NTN1: variants seen among roughly 807,000 people sequenced by gnomAD.
NTN1 encodes netrin 1, also known as netrin-1.
NTN1 carries 11 observed loss-of-function variants against 54.2 expected under a neutral mutation model. That is an observed-to-expected ratio of 0.20 (90% CI 0.13 to 0.34). NTN1 has a LOEUF of 0.34. Ranked by LOEUF, NTN1 falls within the 10% of genes least tolerant of loss-of-function variation. The probability of loss-of-function intolerance (pLI) is 1.00; values close to 1 mark genes in which losing one functional copy is unlikely to be tolerated. For synonymous variants in NTN1, 371 were observed against 382.0 expected (o/e 0.97, Z 0.33); for missense variants, 740 against 893.1 (o/e 0.83, Z 2.18).
At chr17:9,048,117 G>T (rs1208948938) in intron 2 of NTN1, among the ~76,000 whole-genome samples, 1 of 152,164 alleles carries the variant, frequency 6.6e-6, no homozygotes, top group East Asian at 1.9e-4. Flanking sequence ...TACAAAATGT[G>T]TTTCTTAAAT....
At chr17:9,189,784 C>A (rs575534240) in intron 5 of NTN1, among the ~76,000 whole-genome samples, 11 of 152,166 alleles carry the variant, frequency 7.2e-5, no homozygotes, top group Non-Finnish European at 1.3e-4. Context: ...GAGGGGCAGC[C>A]AGTCAAAAGC....
chr17:9,029,489 G>A (rs371723632), intron 2 of NTN1, among the ~76,000 whole-genome samples: 1 of 152,136 alleles, frequency 6.6e-6, no homozygotes, highest in Non-Finnish European at 1.5e-5. Flanking sequence ...TAGCCAACTC[G>A]GAGGGACGGT....
intron 5 of NTN1, among the ~76,000 whole-genome samples, chr17:9,216,248 C>A (rs1905214981): frequency 6.6e-6 from 1 of 152,248 alleles, no homozygotes; most frequent in South Asian, 2.1e-4. Context: ...TGAGAGCACA[C>A]CCAGCCCTTC....
chr17:9,066,796 TC>T (rs1380922041), intron 2 of NTN1, among the ~76,000 whole-genome samples: 2 of 149,726 alleles, frequency 1.3e-5, no homozygotes, highest in Non-Finnish European at 3.0e-5. Context: ...GGTCAGGAGT[TC>T]CAGACCAGCC....
chr17:9,054,703 G>T (rs961238021), intron 2 of NTN1, among the ~76,000 whole-genome samples: 1 of 152,010 alleles, frequency 6.6e-6, no homozygotes, highest in Non-Finnish European at 1.5e-5. Flanking sequence ...GGGAGATTAC[G>T]CCAAGTGGCA....
intron 2 of NTN1, among the ~76,000 whole-genome samples, chr17:9,138,717 G>A (rs2092288781): frequency 6.6e-6 from 1 of 152,212 alleles, no homozygotes; most frequent in Non-Finnish European, 1.5e-5. Flanking sequence ...AGGCCAGGCA[G>A]CTGTGTTAGG....
intron 2 of NTN1, among the ~76,000 whole-genome samples, chr17:9,058,509 T>C (rs1337664837): frequency 1.3e-5 from 2 of 151,974 alleles, no homozygotes; most frequent in Non-Finnish European, 2.9e-5. Context: ...AGACTTAGCA[T>C]TGTGTGTTAA....
chr17:9,221,296 G>C lies in NTN1; in HGVS notation c.1486+54G>C. The C allele has an allele frequency of 7.0e-7, 1 of 1,423,238 alleles. No individual in the cohort carries two copies. The highest frequency in any genetic ancestry group is 9.9e-7 in the Non-Finnish European group (1 of 1,006,746). The allele number at this position is 1,423,238 out of a possible 1,614,324, so 88.2% of individuals were successfully genotyped here. A position where few individuals can be genotyped will look rare whatever the true frequency, so the allele number is the denominator to read the frequency against. On this transcript the variant is annotated intron_variant, in intron 6 of 6. Transcript: ENST00000173229. This position sits in a 1 kb window ranked among gnomAD's most constrained non-coding sequence, Gnocchi z 4.5. ...GATGGGAGGGGGCCACGTGACCAGC[G>C]AGGTGCTGGGGCTGGGGTGCAGCTG...
At chr17:9,010,746 G>C in the NTN1 span, among the ~76,000 whole-genome samples, 1 of 152,128 alleles carries the variant, frequency 6.6e-6, no homozygotes, top group East Asian at 1.9e-4. Context: ...TGCAATTAAG[G>C]GCTGTAGGGC....
At chr17:9,029,536 G>A (rs1439957206) in intron 2 of NTN1, among the ~76,000 whole-genome samples, 1 of 152,134 alleles carries the variant, frequency 6.6e-6, no homozygotes, top group African/African-American at 2.4e-5. Context: ...GAGCTGCCTG[G>A]GCCAGTCCTG....
chr17:9,065,358 A>G (rs1365074787), intron 2 of NTN1, among the ~76,000 whole-genome samples: 2 of 152,022 alleles, frequency 1.3e-5, no homozygotes, highest in Non-Finnish European at 2.9e-5. Context: ...TTTCCTGCCC[A>G]CACTGTGGCC....
At chr17:9,226,162 C>CAGGGGGGGGGGG (rs772507723) in intron 6 of NTN1, among the ~76,000 whole-genome samples, 1 of 116,454 alleles carries the variant, frequency 8.6e-6, no homozygotes, top group Non-Finnish European at 1.8e-5. Flanking sequence ...GATTTGGGGT[C>CAGGGGGGGGGGG]GGGGGGGGGC....
At chr17:9,233,134 G>C (rs1321140803) in intron 6 of NTN1, among the ~76,000 whole-genome samples, 7 of 151,980 alleles carry the variant, frequency 4.6e-5, no homozygotes, top group Non-Finnish European at 8.8e-5. Flanking sequence ...GGGAGCCACT[G>C]GGGGCCCACC....
At chr17:9,070,525 C>A (rs1425552087) in intron 2 of NTN1, among the ~76,000 whole-genome samples, 2 of 151,694 alleles carry the variant, frequency 1.3e-5, no homozygotes, top group Non-Finnish European at 2.9e-5. Flanking sequence ...GAATTAGGAC[C>A]TTAGTCTCCT....
Position 9,211,888 on chromosome 17 carries a change from A to G in NTN1, c.1412-9280A>G, listed in dbSNP as rs1457653828. 6.6e-6 allele frequency among the ~76,000 whole-genome samples: 1 copy of G among 152,082 alleles called. No homozygotes were observed. Among genetic ancestry groups the G allele is most frequent in the Non-Finnish European group, 1.5e-5 (1 of 68,024 alleles). ...GTTGCTGTCTTTTTCTTAGTGATTCAGAAGAGTTCTTTATATGTGAAAGAC... is the reference window on the plus strand; with the variant it reads ...GTTGCTGTCTTTTTCTTAGTGATTCGGAAGAGTTCTTTATATGTGAAAGAC... On this transcript the variant is annotated intron_variant, in intron 5 of 6. Coordinates refer to ENST00000173229, the MANE Select transcript of NTN1 (RefSeq NM_004822.3). This position sits in a 1 kb window ranked among gnomAD's most constrained non-coding sequence, Gnocchi z 4.4.
chr17:9,125,926 C>T (rs2092245762), intron 2 of NTN1, among the ~76,000 whole-genome samples: 2 of 152,208 alleles, frequency 1.3e-5, no homozygotes, highest in Non-Finnish European at 2.9e-5. Flanking sequence ...GCAGTCTTTA[C>T]ATTAAATGTT....
At chr17:9,150,160 G>A (rs1004345068) in intron 2 of NTN1, among the ~76,000 whole-genome samples, 3 of 152,010 alleles carry the variant, frequency 2.0e-5, no homozygotes, top group Non-Finnish European at 2.9e-5. Flanking sequence ...CCAAGATCAC[G>A]CCACTGCCCT....
At chr17:9,037,447 A>ACTG (rs1335462859) in intron 2 of NTN1, among the ~76,000 whole-genome samples, 1 of 152,144 alleles carries the variant, frequency 6.6e-6, no homozygotes, top group East Asian at 1.9e-4. Flanking sequence ...TGGAAATCCC[A>ACTG]CTGCTGTTAG....
chr17:9,205,037 C>T (rs907443749), intron 5 of NTN1, among the ~76,000 whole-genome samples: 1 of 151,752 alleles, frequency 6.6e-6, no homozygotes, highest in Non-Finnish European at 1.5e-5. Context: ...CCTGGGCTTT[C>T]ATTACCATTA....
Sources: gnomAD v4.1 joint callset for allele counts (sites outside exome capture counted in the v4.1 genomes callset) on GRCh38, gnomAD v4.1.1 for gene constraint, Gnocchi (gnomAD v3.1) non-coding constraint, MANE v1.5 for transcripts, NCBI Gene and HGNC (gene_info 2026-07-23, HGNC 2026-07-21) for gene names.